Variants in BRINP3 observed in about 807,000 individuals in gnomAD.
The protein encoded by BRINP3 is BMP/retinoic acid inducible neural specific 3.
BRINP3 carries 19 observed loss-of-function variants against 71.0 expected under a neutral mutation model. That is an observed-to-expected ratio of 0.27 (90% CI 0.19 to 0.39). The LOEUF (loss-of-function observed/expected upper bound fraction) is 0.39. Among genes scored for constraint, BRINP3 ranks in the 10% least tolerant of loss-of-function variants. BRINP3 has a pLI of 1.00. For synonymous variants in BRINP3, 380 were observed against 337.7 expected (o/e 1.13, Z -1.37); for missense variants, 959 against 940.8 (o/e 1.02, Z -0.25).
chr1:190,112,303 A>G (rs956555439), intron 7 of BRINP3, among the ~76,000 whole-genome samples: 2 of 152,184 alleles, frequency 1.3e-5, no homozygotes, highest in African/African-American at 4.8e-5. Context: ...TCCATATCAC[A>G]GTGTTCCTGC....
chr1:190,310,911 CA>C (rs1182955404), intron 2 of BRINP3, among the ~76,000 whole-genome samples: 2 of 151,616 alleles, frequency 1.3e-5, no homozygotes, highest in African/African-American at 4.8e-5. Flanking sequence ...TAATTTTAAA[CA>C]AAAACAATAT....
intron 2 of BRINP3, among the ~76,000 whole-genome samples, chr1:190,283,774 G>C (rs777896092): frequency 6.6e-6 from 1 of 151,274 alleles, no homozygotes; most frequent in Non-Finnish European, 1.5e-5. Context: ...CTTCTAAGAA[G>C]TTATTTTTAT....
intron 1 of BRINP3, among the ~76,000 whole-genome samples, chr1:190,469,718 T>A (rs1013627701): frequency 7.9e-5 from 12 of 151,044 alleles, no homozygotes; most frequent in African/African-American, 2.9e-4. Context: ...TTTTGTTCTA[T>A]ATTTAGTTTA....
chr1:190,300,597 C>A (rs1664604117), intron 2 of BRINP3, among the ~76,000 whole-genome samples: 1 of 152,138 alleles, frequency 6.6e-6, no homozygotes, highest in African/African-American at 2.4e-5. Context: ...GGCAGACTGC[C>A]TCCTCAAGTG....
At chr1:190,155,287 T>C (rs1160475039) in intron 7 of BRINP3, among the ~76,000 whole-genome samples, 2 of 152,124 alleles carry the variant, frequency 1.3e-5, no homozygotes, top group Admixed American at 6.6e-5. Context: ...ATAATAATAA[T>C]ATATTCAATT....
intron 7 of BRINP3, among the ~76,000 whole-genome samples, chr1:190,154,623 C>T (rs1656704494): frequency 6.6e-6 from 1 of 151,972 alleles, no homozygotes; most frequent in African/African-American, 2.4e-5. Flanking sequence ...ACTTGTAAAA[C>T]AGAAAGAAAT....
intron 2 of BRINP3, among the ~76,000 whole-genome samples, chr1:190,347,978 A>G (rs980180): frequency 0.017 from 2,517 of 152,272 alleles, 78 homozygotes; most frequent in African/African-American, 0.058. Flanking sequence ...AAGTAGGAGC[A>G]TAAGTTGAAA....
chr1:190,464,432 T>G (rs1214333329), intron 1 of BRINP3, among the ~76,000 whole-genome samples: 1 of 151,944 alleles, frequency 6.6e-6, no homozygotes, highest in African/African-American at 2.4e-5. Context: ...TATGCTGTTG[T>G]TATTCTTTTT....
At chr1:190,374,428 A>G (rs1386388382) in intron 2 of BRINP3, among the ~76,000 whole-genome samples, 4 of 152,166 alleles carry the variant, frequency 2.6e-5, no homozygotes, top group Admixed American at 6.6e-5. Context: ...TATCCAACAC[A>G]GTACTAGATG....
chr1:190,333,738 C>A (rs1374250263), intron 2 of BRINP3, among the ~76,000 whole-genome samples: 1 of 151,946 alleles, frequency 6.6e-6, no homozygotes, highest in East Asian at 1.9e-4. Flanking sequence ...TGATTACCAA[C>A]ATCTACTTAA....
intron 6 of BRINP3, among the ~76,000 whole-genome samples, chr1:190,163,798 C>T (rs2102469392): frequency 1.3e-5 from 2 of 152,106 alleles, no homozygotes; most frequent in South Asian, 4.2e-4. Flanking sequence ...GTGCCTTTAT[C>T]CTTTTTCCGT....
At chr1:190,169,141 C>G (rs1354213406) in intron 6 of BRINP3, among the ~76,000 whole-genome samples, 3 of 152,144 alleles carry the variant, frequency 2.0e-5, no homozygotes, top group Non-Finnish European at 4.4e-5. Flanking sequence ...AGCTTCTGGC[C>G]TATACCTTAA....
At chr1:190,443,256 T>A (rs535764885) in intron 2 of BRINP3, among the ~76,000 whole-genome samples, 2 of 151,898 alleles carry the variant, frequency 1.3e-5, no homozygotes, top group East Asian at 3.9e-4. Flanking sequence ...ATATAAAAAA[T>A]TAGCCGGGCA....
At chr1:190,428,082 G>C (rs1440007455) in intron 2 of BRINP3, among the ~76,000 whole-genome samples, 1 of 151,816 alleles carries the variant, frequency 6.6e-6, no homozygotes, top group Non-Finnish European at 1.5e-5. Flanking sequence ...GAAGCAAAGA[G>C]ATTAAGACAA....
intron 2 of BRINP3, among the ~76,000 whole-genome samples, chr1:190,296,681 A>C (rs1488449647): frequency 6.6e-6 from 1 of 152,108 alleles, no homozygotes; most frequent in Admixed American, 6.6e-5. Context: ...AGACTCCACT[A>C]AACCAAAAAA....
chr1:190,240,853 T>A (rs1276305135), intron 4 of BRINP3, among the ~76,000 whole-genome samples: 1 of 57,398 alleles, frequency 1.7e-5, no homozygotes, highest in Non-Finnish European at 3.1e-5. Flanking sequence ...TCCTGGGCAA[T>A]AAGAGTGAAA....
intron 2 of BRINP3, among the ~76,000 whole-genome samples, chr1:190,377,784 C>T (rs1259944060): frequency 6.6e-6 from 1 of 151,654 alleles, no homozygotes; most frequent in Non-Finnish European, 1.5e-5. Context: ...CTACCTACAA[C>T]AGCATCAGAA....
chr1:190,270,927 T>A (rs922534221), intron 3 of BRINP3, among the ~76,000 whole-genome samples: 7 of 151,628 alleles, frequency 4.6e-5, no homozygotes, highest in Non-Finnish European at 8.9e-5. Context: ...TCCACGTTTT[T>A]AAAAACATAA....
chr1:190,290,715 A>C (rs1663793952), intron 2 of BRINP3, among the ~76,000 whole-genome samples: 1 of 152,092 alleles, frequency 6.6e-6, no homozygotes, highest in South Asian at 2.1e-4. Flanking sequence ...TGCTCTTTTT[A>C]TCTCCTTGTG....
Sources: gnomAD v4.1 joint callset for allele counts (sites outside exome capture counted in the v4.1 genomes callset) on GRCh38, gnomAD v4.1.1 for gene constraint, MANE v1.5 for transcripts, NCBI Gene and HGNC (gene_info 2026-07-23, HGNC 2026-07-21) for gene names.